PRSS12: variants seen among roughly 807,000 people sequenced by gnomAD.
PRSS12 encodes neurotrypsin.
A neutral mutation model predicts 104.4 loss-of-function variants in PRSS12; 85 were observed. The ratio of observed to expected loss-of-function variants is 0.81; its 90% CI spans 0.68 to 0.98. PRSS12 has a LOEUF of 0.98. Ranked by LOEUF, PRSS12 falls within the 50% of genes least tolerant of loss-of-function variation. The pLI, the probability that PRSS12 is intolerant of heterozygous loss-of-function variation, is 0.00. For missense variants in PRSS12, 1,141 were observed against 1,139.2 expected (o/e 1.00, Z -0.02); for synonymous variants, 454 against 425.2 (o/e 1.07, Z -0.83).
chr4:118,318,005 C>A (rs549300731), intron 5 of PRSS12, among the ~76,000 whole-genome samples: 17 of 152,254 alleles, frequency 1.1e-4, no homozygotes, highest in African/African-American at 4.1e-4. Context: ...TGCATCAATA[C>A]CAGCTCTAAA....
chr4:118,323,336 T>G (rs1723681703), intron 4 of PRSS12, among the ~76,000 whole-genome samples: 1 of 151,984 alleles, frequency 6.6e-6, no homozygotes, highest in African/African-American at 2.4e-5. Context: ...TTTCAATGGG[T>G]ATAATTCATT....
intron 1 of PRSS12, among the ~76,000 whole-genome samples, chr4:118,344,478 A>G (rs1466369715): frequency 7.9e-5 from 12 of 152,110 alleles, no homozygotes; most frequent in Non-Finnish European, 1.8e-4. Context: ...AACCTGCTAT[A>G]TCTTTGCTAA....
At chr4:118,322,229 C>T (rs531256688) in intron 4 of PRSS12, among the ~76,000 whole-genome samples, 2 of 152,072 alleles carry the variant, frequency 1.3e-5, no homozygotes, top group African/African-American at 2.4e-5. Context: ...AAAAAATATC[C>T]TCTCCCAGAG....
chr4:118,339,352 G>T lies in PRSS12; in HGVS notation c.503-1038C>A, dbSNP rs548948537. 2.6e-5 allele frequency among the ~76,000 whole-genome samples: 4 copies of T among 152,208 alleles called. No individual in the cohort carries two copies. The South Asian group carries it at 6.2e-4, about 24-fold the overall frequency. On this transcript the variant is annotated intron_variant, in intron 1 of 12. Transcript: ENST00000296498. ...CTACCCAAAAAATCTAGCATAATTT[G>T]CATATTTCAAAGTTATGTATGGCTT... is the stretch of plus-strand genomic sequence containing the variant.
At chr4:118,286,631 TAATA>T (rs1347592319) in intron 11 of PRSS12, among the ~76,000 whole-genome samples, 1 of 152,168 alleles carries the variant, frequency 6.6e-6, no homozygotes, top group Non-Finnish European at 1.5e-5. Context: ...AGAAAGCGCT[TAATA>T]AATGTATAAT....
At chr4:118,299,803 TAAAATAAATA>T (rs1288146701) in intron 8 of PRSS12, among the ~76,000 whole-genome samples, 31 of 96,880 alleles carry the variant, frequency 3.2e-4, no homozygotes, top group African/African-American at 8.9e-4. Context: ...ATAAATAAAA[TAAAATAAATA>T]AAATAAAATA....
intron 5 of PRSS12, among the ~76,000 whole-genome samples, chr4:118,316,837 A>AATATATATAT (rs70941165): frequency 7.2e-4 from 71 of 99,094 alleles, no homozygotes; most frequent in Middle Eastern, 8.9e-3. Flanking sequence ...AAAAAAAAAA[A>AATATATATAT]ATATATATAT....
intron 9 of PRSS12, 49 bp downstream of exon 9, chr4:118,298,684 T>C (rs1253316276): frequency 2.0e-6 from 3 of 1,506,706 alleles, no homozygotes; most frequent in Admixed American, 1.7e-5. Flanking sequence ...AGTAATGGAA[T>C]GGGAATTAGT....
In PRSS12 at chr4:118,280,978, G is replaced by A. The variant is rs1742832089; in HGVS notation, c.*958C>T. The A allele has an allele frequency of 6.6e-6, 1 of 152,346 alleles. No individual in the cohort carries two copies. Among genetic ancestry groups the A allele is most frequent in the East Asian group, 1.9e-4 (1 of 5,190 alleles). The allele number at this position is 152,346 out of a possible 1,614,324, so 9.4% of individuals were successfully genotyped here. A position where few individuals can be genotyped will look rare whatever the true frequency, so the allele number is the denominator to read the frequency against. Reference sequence around the variant, plus strand: ...GTGCCTGGCATATGTTATAACTGCTGTATGTATTAGAACTTTTCAATGTGT... The same window carrying A: ...GTGCCTGGCATATGTTATAACTGCTATATGTATTAGAACTTTTCAATGTGT... On this transcript the variant is annotated 3_prime_UTR_variant, in exon 13 of 13. Coordinates refer to ENST00000296498, the MANE Select transcript of PRSS12 (RefSeq NM_003619.4).
At chr4:118,323,001 T>C (rs1238244479) in intron 4 of PRSS12, among the ~76,000 whole-genome samples, 2 of 152,118 alleles carry the variant, frequency 1.3e-5, no homozygotes, top group African/African-American at 2.4e-5. Flanking sequence ...CCAAGTTTTA[T>C]TGGAATGATG....
In PRSS12 at chr4:118,331,718, G is replaced by T. The variant is rs1395347290; in HGVS notation, c.969C>A (p.Leu323=). 2.5e-6 allele frequency: 4 copies of T among 1,614,112 alleles called. No homozygotes were observed. Among genetic ancestry groups the T allele is most frequent in the Non-Finnish European group, 3.4e-6 (4 of 1,180,012 alleles). The part of the protein sequence containing the change: ...DAEVICRQLG[L]SGIAKAWHQA... ...AAACAAGAGTAGTAAAAACAAACCT[G>T]AGGCCCAGCTGCCTGCAGATCACTT... The change falls in exon 4 of 13, where the codon CTC becomes CTA. Residue 323 remains leucine (L), a splice_region_variant and synonymous_variant. Coordinates refer to ENST00000296498, the MANE Select transcript of PRSS12 (RefSeq NM_003619.4).
intron 2 of PRSS12, 151 bp from the exon 3 acceptor site, chr4:118,335,802 A>G (rs2126041924): frequency 1.3e-6 from 1 of 770,676 alleles, no homozygotes; most frequent in Non-Finnish European, 2.1e-6. Flanking sequence ...AGACTACATC[A>G]GTTTCAAGGA....
chr4:118,314,696 T>A (rs1743859334), intron 6 of PRSS12, among the ~76,000 whole-genome samples: 1 of 152,128 alleles, frequency 6.6e-6, no homozygotes. Flanking sequence ...AACACAATCA[T>A]TTAGAGCTTT....
chr4:118,324,066 A>C (rs1723702048), intron 4 of PRSS12, among the ~76,000 whole-genome samples: 1 of 151,924 alleles, frequency 6.6e-6, no homozygotes, highest in Non-Finnish European at 1.5e-5. Flanking sequence ...TGCCTGGCTA[A>C]TTTTTAAAAT....
rs188233375 is a variant in PRSS12 at position 118,312,705 on chromosome 4, C to A, written c.1489+496G>T. On this transcript the variant is annotated intron_variant, in intron 7 of 12. Transcript: ENST00000296498. ...GGGTGAGCTATTAACTTTAATTAAT[C>A]CACTTAGAAGACCACTGAGACACTT... is the stretch of plus-strand genomic sequence containing the variant. Among the ~76,000 whole-genome samples the A allele has an allele frequency of 2.6e-5, 4 of 151,990 alleles. No homozygotes were observed. In the East Asian group the frequency reaches 7.7e-4, roughly 29 times the overall value.
At chr4:118,310,206 A>G (rs1743672318) in intron 7 of PRSS12, among the ~76,000 whole-genome samples, 1 of 152,186 alleles carries the variant, frequency 6.6e-6, no homozygotes, top group Admixed American at 6.5e-5. Context: ...CCAAAATCAA[A>G]CAAATGAAAT....
intron 1 of PRSS12, among the ~76,000 whole-genome samples, chr4:118,345,775 A>AAAT (rs1440907310): frequency 6.6e-6 from 1 of 152,208 alleles, no homozygotes; most frequent in East Asian, 1.9e-4. Context: ...AGCACTTTAT[A>AAAT]AATTACTTAC....
chr4:118,316,817 G>A (rs570456662), intron 5 of PRSS12, among the ~76,000 whole-genome samples: 610 of 47,056 alleles, frequency 0.013, 12 homozygotes, highest in African/African-American at 0.031. Context: ...GCGAGACTCC[G>A]TCTCACGGAA....
At chr4:118,348,668 T>TG (rs1724414879) in intron 1 of PRSS12, among the ~76,000 whole-genome samples, 1 of 151,736 alleles carries the variant, frequency 6.6e-6, no homozygotes, top group Non-Finnish European at 1.5e-5. Flanking sequence ...TTTTTTTTTT[T>TG]GAGACAGAGT....
Sources: allele counts gnomAD v4.1 joint callset (sites outside exome capture counted in the v4.1 genomes callset), GRCh38; gene constraint gnomAD v4.1.1; transcripts MANE v1.5; gene names NCBI Gene and HGNC (gene_info 2026-07-23, HGNC 2026-07-21).